SLC35B3: variants seen among roughly 807,000 people sequenced by gnomAD.
SLC35B3 encodes solute carrier family 35 member B3.
Under a neutral mutation model 44.1 loss-of-function variants are expected in SLC35B3, and 35 were observed. That is an observed-to-expected ratio of 0.79 (90% CI 0.61 to 1.05). The LOEUF (loss-of-function observed/expected upper bound fraction) is 1.05. Ranked by LOEUF, SLC35B3 falls within the 50% of genes least tolerant of loss-of-function variation. The pLI, the probability that SLC35B3 is intolerant of heterozygous loss-of-function variation, is 0.00. For synonymous variants in SLC35B3, 146 were observed against 167.3 expected (o/e 0.87, Z 0.98); for missense variants, 414 against 476.4 (o/e 0.87, Z 1.22).
In SLC35B3 at chr6:8,434,274, C is replaced by T. The variant is rs1368006395; in HGVS notation, c.3+111G>A. On this transcript the variant is annotated intron_variant, in intron 2 of 10. Transcript: ENST00000644923. This position sits in a 1 kb window ranked among gnomAD's most constrained non-coding sequence, Gnocchi z 6.3. ...CGACCTGAAGGACAAAAGTCCCACACCAAAAAAAGGTAGAATATGAAAAAA... is the reference window on the plus strand; with the variant it reads ...CGACCTGAAGGACAAAAGTCCCACATCAAAAAAAGGTAGAATATGAAAAAA... The T allele has an allele frequency of 1.6e-5, 17 of 1,032,990 alleles. No homozygotes were observed. Among genetic ancestry groups the T allele is most frequent in the Non-Finnish European group, 2.4e-5 (16 of 679,710 alleles). 64.0% of individuals were successfully genotyped at this position (1,032,990 alleles called of 1,614,324 possible).
Position 8,432,566 on chromosome 6 carries a change from G to C in SLC35B3, c.3+1819C>G, listed in dbSNP as rs771861974. Among the ~76,000 whole-genome samples, 1 of 152,098 alleles carries C rather than the reference G, an allele frequency of 6.6e-6. No homozygotes were observed. The highest frequency in any genetic ancestry group is 1.9e-4 in the East Asian group (1 of 5,164). ...GGAATTTTGACAGATATGAGTTCAA[G>C]ATCTGGCTTTACTACTTATTAGCTG... On this transcript the variant is annotated intron_variant, in intron 2 of 10. Transcript: ENST00000644923. The surrounding 1 kb of genome is among the most constrained non-coding windows in gnomAD (Gnocchi z 4.8).
At position 8,435,360 on chromosome 6, in the gene SLC35B3, AC is replaced by A; in HGVS notation, c.-62del. Reference sequence around the variant, plus strand: ...ACGCGTACCCCAAGGCCGGTATGTCACCCGGAAGGGTGACGGCAGCCTGCGT... The same window carrying A: ...ACGCGTACCCCAAGGCCGGTATGTCACCGGAAGGGTGACGGCAGCCTGCGT... On this transcript the variant is annotated 5_prime_UTR_variant, in exon 1 of 11. It introduces an in-frame stop codon into an upstream open reading frame of the 5' UTR. Coordinates refer to ENST00000644923, the MANE Select transcript of SLC35B3 (RefSeq NM_001370476.2). The surrounding 1 kb of genome is among the most constrained non-coding windows in gnomAD (Gnocchi z 5.5). 2 of 1,288,598 alleles carry A rather than the reference AC, an allele frequency of 1.6e-6. No individual in the cohort carries two copies. The highest frequency in any genetic ancestry group is 2.0e-6 in the Non-Finnish European group (2 of 988,554). The allele number at this position is 1,288,598 out of a possible 1,614,324, so 79.8% of individuals were successfully genotyped here. A position where few individuals can be genotyped will look rare whatever the true frequency, so the allele number is the denominator to read the frequency against.
At chr6:8,430,741 T>TA (rs959101339) in intron 2 of SLC35B3, among the ~76,000 whole-genome samples, 7 of 151,384 alleles carry the variant, frequency 4.6e-5, no homozygotes, top group African/African-American at 1.2e-4. Context: ...TAAAATAAAA[T>TA]AAAAAAATTA....
rs1398627746 is a variant in SLC35B3, at chr6:8,412,150, G to A, written c.*1399C>T. Among the ~76,000 whole-genome samples, 1 of 152,092 alleles carries A rather than the reference G, an allele frequency of 6.6e-6. No individual in the cohort carries two copies. The highest frequency in any genetic ancestry group is 6.5e-5 in the Admixed American group (1 of 15,268). ...CATCATATAAGGACATAATGAGAAG[G>A]CTCCTTCTGTGAACCAGAAAGCAGG... On this transcript the variant is annotated 3_prime_UTR_variant, in exon 11 of 11. Coordinates refer to ENST00000644923, the MANE Select transcript of SLC35B3 (RefSeq NM_001370476.2).
intron 4 of SLC35B3, among the ~76,000 whole-genome samples, chr6:8,425,528 G>A (rs1763331206): frequency 6.6e-6 from 1 of 151,872 alleles, no homozygotes; most frequent in African/African-American, 2.4e-5. Context: ...ATATTCTAAG[G>A]TTCAAATATT....
At chr6:8,416,205 C>T (rs1257680449) in intron 9 of SLC35B3, among the ~76,000 whole-genome samples, 1 of 152,152 alleles carries the variant, frequency 6.6e-6, no homozygotes, top group Non-Finnish European at 1.5e-5. Flanking sequence ...TATGCATTAG[C>T]TATGATTATT....
rs983006021 is a variant in SLC35B3 at position 8,433,765 on chromosome 6, G to A, written c.3+620C>T. On this transcript the variant is annotated intron_variant, in intron 2 of 10. Transcript: ENST00000644923. This position sits in a 1 kb window ranked among gnomAD's most constrained non-coding sequence, Gnocchi z 4.1. The stretch of plus-strand genomic sequence containing the variant: ...ACCAAAGCCTTGCATTTAGAATGCT[G>A]TTTTATTAATAAGAACATCACTGGT... Among the ~76,000 whole-genome samples, 1 of 152,106 alleles carries A rather than the reference G, an allele frequency of 6.6e-6. No homozygotes were observed. Among genetic ancestry groups the A allele is most frequent in the African/African-American group, 2.4e-5 (1 of 41,416 alleles).
Position 8,420,787 on chromosome 6 carries a change from T to TA in SLC35B3, c.615dup (p.Met206TyrfsTer12), listed in dbSNP as rs1438009464. On this transcript the variant is annotated frameshift_variant, in exon 6 of 11. Coordinates refer to ENST00000644923, the MANE Select transcript of SLC35B3 (RefSeq NM_001370476.2). LOFTEE classifies it high-confidence loss of function. This position sits in a 1 kb window ranked among gnomAD's most constrained non-coding sequence, Gnocchi z 4.4. ...GTAAACCATATCAGGCCAAGGCTCATACATATGGCAGCAGACACATCTGCA... is the reference window on the plus strand; with the variant it reads ...GTAAACCATATCAGGCCAAGGCTCATAACATATGGCAGCAGACACATCTGCA... 2 of 1,613,112 alleles carry TA rather than the reference T, an allele frequency of 1.2e-6. No individual in the cohort carries two copies. The highest frequency in any genetic ancestry group is 1.7e-6 in the Non-Finnish European group (2 of 1,179,230).
chr6:8,433,763 C>CAT lies in SLC35B3; in HGVS notation c.3+621_3+622insAT, dbSNP rs1279185471. 6.6e-6 allele frequency among the ~76,000 whole-genome samples: 1 copy of CAT among 152,120 alleles called. No homozygotes were observed. Among genetic ancestry groups the CAT allele is most frequent in the African/African-American group, 2.4e-5 (1 of 41,428 alleles). The stretch of plus-strand genomic sequence containing the variant: ...CCACCAAAGCCTTGCATTTAGAATG[C>CAT]TGTTTTATTAATAAGAACATCACTG... On this transcript the variant is annotated intron_variant, in intron 2 of 10. Coordinates refer to ENST00000644923, the MANE Select transcript of SLC35B3 (RefSeq NM_001370476.2). The surrounding 1 kb of genome is among the most constrained non-coding windows in gnomAD (Gnocchi z 4.1).
Position 8,417,439 on chromosome 6 carries a change from G to C in SLC35B3, c.836C>G (p.Thr279Ser). The C allele has an allele frequency of 1.9e-6, 3 of 1,606,484 alleles. No individual in the cohort carries two copies. Among genetic ancestry groups the C allele is most frequent in the Non-Finnish European group, 2.5e-6 (3 of 1,176,548 alleles). ...TGTTACTGCAGGGCCTAATCCACTA[G>C]TGCATGTCAATCCCAGTAAAATGTA... The change falls in exon 8 of 11, where the codon ACT becomes AGT. Residue 279 changes from threonine to serine, a missense_variant. By Grantham distance (58) the Thr-to-Ser change is moderately conservative. Coordinates refer to ENST00000644923, the MANE Select transcript of SLC35B3 (RefSeq NM_001370476.2).
chr6:8,419,663 A>T lies in SLC35B3; in HGVS notation c.697T>A (p.Ser233Thr), dbSNP rs1439098245. The stretch of plus-strand genomic sequence containing the variant: ...ACGGCATCTGCACATAGTGCCAGGG[A>T]AATAAGCACCACACCTTCAAGAAGG... Residue 233 changes from serine to threonine, a missense_variant, in exon 7 of 11, where the codon TCC becomes ACC. Ser to Thr is a moderately conservative substitution (Grantham distance 58). Coordinates refer to ENST00000644923, the MANE Select transcript of SLC35B3 (RefSeq NM_001370476.2). The surrounding 1 kb of genome is among the most constrained non-coding windows in gnomAD (Gnocchi z 4.3). 6.5e-7 allele frequency: 1 copy of T among 1,528,914 alleles called. No homozygotes were observed. Among genetic ancestry groups the T allele is most frequent in the South Asian group, 1.3e-5 (1 of 77,574 alleles). The allele number at this position is 1,528,914 out of a possible 1,614,324, so 94.7% of individuals were successfully genotyped here.
intron 4 of SLC35B3, among the ~76,000 whole-genome samples, chr6:8,423,147 C>A (rs377432631): frequency 1.3e-5 from 2 of 152,112 alleles, no homozygotes; most frequent in Non-Finnish European, 2.9e-5. Context: ...GCCACCATGC[C>A]CAGCTAATGT....
In SLC35B3 at chr6:8,411,551, G is replaced by A. The variant is rs937082461; in HGVS notation, c.*1998C>T. Among the ~76,000 whole-genome samples the A allele has an allele frequency of 1.3e-5, 2 of 152,130 alleles. No homozygotes were observed. The highest frequency in any genetic ancestry group is 4.8e-5 in the African/African-American group (2 of 41,430). ...AGTTTAAGGCAGCATAATGAAGTATGCATTAAGATCCCGTCTATCTTAAGC... is the reference window on the plus strand; with the variant it reads ...AGTTTAAGGCAGCATAATGAAGTATACATTAAGATCCCGTCTATCTTAAGC... On this transcript the variant is annotated 3_prime_UTR_variant, in exon 11 of 11. Transcript: ENST00000644923.
rs183896716 is a variant in SLC35B3 at position 8,420,440 on chromosome 6, G to A, written c.682+281C>T. 4.6e-5 allele frequency among the ~76,000 whole-genome samples: 7 copies of A among 152,142 alleles called. No individual in the cohort carries two copies. The East Asian group carries it at 7.7e-4, about 17-fold the overall frequency. On this transcript the variant is annotated intron_variant, in intron 6 of 10. Transcript: ENST00000644923. This position sits in a 1 kb window ranked among gnomAD's most constrained non-coding sequence, Gnocchi z 4.4. ...TTTGAATAACGTAATACTGAGTTAC[G>A]ACATAATTATAATAAAGGTACAACT...
At chr6:8,425,229 T>A (rs1024966390) in intron 4 of SLC35B3, among the ~76,000 whole-genome samples, 1 of 152,192 alleles carries the variant, frequency 6.6e-6, no homozygotes, top group African/African-American at 2.4e-5. Flanking sequence ...TGCATCATCA[T>A]TGTATCATTT....
rs1762279053 is a variant in SLC35B3 at position 8,414,894 on chromosome 6, TAAG to T, written c.1055+11_1055+13del. 1.3e-6 allele frequency: 2 copies of T among 1,487,772 alleles called. No homozygotes were observed. Among genetic ancestry groups the T allele is most frequent in the Non-Finnish European group, 1.8e-6 (2 of 1,083,302 alleles). 92.2% of individuals were successfully genotyped at this position (1,487,772 alleles called of 1,614,324 possible). On this transcript the variant is annotated intron_variant, in intron 10 of 10. Transcript: ENST00000644923. ...TAAAAACTGAGAAAAATTGTTTAAT[TAAG>T]AAGTACTTACTGAAACGTGAATGGT...
Position 8,435,427 on chromosome 6 carries a change from C to G in SLC35B3, c.-128G>C. On this transcript the variant is annotated 5_prime_UTR_variant, in exon 1 of 11. Coordinates refer to ENST00000644923, the MANE Select transcript of SLC35B3 (RefSeq NM_001370476.2). The surrounding 1 kb of genome is among the most constrained non-coding windows in gnomAD (Gnocchi z 5.5). ...CGGAGCATCTCCCCCTCCCCTGGTCCGTCGCCATCACCTCCTCTTCCTCCT... is the reference window on the plus strand; with the variant it reads ...CGGAGCATCTCCCCCTCCCCTGGTCGGTCGCCATCACCTCCTCTTCCTCCT... The G allele has an allele frequency of 7.8e-7, 1 of 1,277,832 alleles. No homozygotes were observed. Among genetic ancestry groups the G allele is most frequent in the Non-Finnish European group, 1.0e-6 (1 of 979,874 alleles). The allele number at this position is 1,277,832 out of a possible 1,614,324, so 79.2% of individuals were successfully genotyped here. A position where few individuals can be genotyped will look rare whatever the true frequency, so the allele number is the denominator to read the frequency against.
At chr6:8,413,780 C>A in intron 10 of SLC35B3, 81 bp from the exon 10 acceptor site, 1 of 834,740 alleles carries the variant, frequency 1.2e-6, no homozygotes, top group Non-Finnish European at 1.8e-6. Flanking sequence ...GTTAATATGT[C>A]CATAATAATT....
chr6:8,421,770 CT>C (rs1762910379), intron 5 of SLC35B3, among the ~76,000 whole-genome samples: 3 of 152,248 alleles, frequency 2.0e-5, no homozygotes, highest in Middle Eastern at 3.4e-3. Context: ...AATATGAGAA[CT>C]GCCCATGCAC....
Sources: allele counts gnomAD v4.1 joint callset (sites outside exome capture counted in the v4.1 genomes callset), GRCh38; gene constraint gnomAD v4.1.1; non-coding constraint Gnocchi (gnomAD v3.1); transcripts MANE v1.5; gene names NCBI Gene and HGNC (gene_info 2026-07-23, HGNC 2026-07-21).